CRB1: variants seen among roughly 807,000 people sequenced by gnomAD.
CRB1 encodes crumbs cell polarity complex component 1.
A neutral mutation model predicts 120.0 loss-of-function variants in CRB1; 83 were observed. The observed-to-expected ratio is 0.69, with a 90% CI of 0.58 to 0.83. The LOEUF (loss-of-function observed/expected upper bound fraction) is 0.83, where lower values mean the gene tolerates loss of function less well. CRB1 is among the 40% of genes least tolerant of loss of function. CRB1 has a pLI of 0.00. For missense variants in CRB1, 1,699 were observed against 1,687.6 expected, an observed-to-expected ratio of 1.01 and a Z score of -0.12; for synonymous variants, 625 against 612.5, an observed-to-expected ratio of 1.02 and a Z score of -0.30.
chr1:197,269,335 C>T (rs1255351498), intron 1 of CRB1, among the ~76,000 whole-genome samples: 1 of 152,174 alleles, frequency 6.6e-6, no homozygotes, highest in African/African-American at 2.4e-5. Context: ...TCTGGGTCAC[C>T]TTCTGTGGCT....
At chr1:197,234,678 G>A in the CRB1 span, among the ~76,000 whole-genome samples, 6 of 152,228 alleles carry the variant, frequency 3.9e-5, no homozygotes, top group Non-Finnish European at 1.5e-5. Context: ...AGCCACTTCA[G>A]TGATAGTATA....
chr1:197,429,922 A>G (rs768720425), intron 8 of CRB1, among the ~76,000 whole-genome samples: 3 of 152,228 alleles, frequency 2.0e-5, no homozygotes, highest in Non-Finnish European at 4.4e-5. Flanking sequence ...GGAACACAGA[A>G]TAAATATGTG....
chr1:197,371,816 A>T (rs1472061320), intron 5 of CRB1, among the ~76,000 whole-genome samples: 1 of 152,178 alleles, frequency 6.6e-6, no homozygotes, highest in Non-Finnish European at 1.5e-5. Flanking sequence ...AAGCAGTAAG[A>T]AGCCTGCTCC....
the CRB1 span, among the ~76,000 whole-genome samples, chr1:197,252,501 T>C: frequency 7.5e-6 from 1 of 133,142 alleles, no homozygotes; most frequent in Admixed American, 7.9e-5. Context: ...ATCATTCCTA[T>C]ATCAGTCAGG....
intron 11 of CRB1, among the ~76,000 whole-genome samples, chr1:197,461,688 AT>A (rs1219669141): frequency 6.6e-6 from 1 of 152,086 alleles, no homozygotes; most frequent in Non-Finnish European, 1.5e-5. Context: ...CTCCTATTAC[AT>A]TCTCTTGGTT....
chr1:197,401,078 T>A (rs1389013777), intron 5 of CRB1, among the ~76,000 whole-genome samples: 3 of 152,128 alleles, frequency 2.0e-5, no homozygotes, highest in African/African-American at 7.2e-5. Context: ...TTCCTTTTTG[T>A]AATACAATTT....
intron 9 of CRB1, among the ~76,000 whole-genome samples, 162 bp from the exon 10 acceptor site, chr1:197,438,385 A>G (rs1665264704): frequency 6.6e-6 from 1 of 152,162 alleles, no homozygotes; most frequent in African/African-American, 2.4e-5. Flanking sequence ...TTACTGGAGA[A>G]AGTGATTCTT....
At chr1:197,315,217 G>T (rs1456176204) in intron 1 of CRB1, among the ~76,000 whole-genome samples, 1 of 152,096 alleles carries the variant, frequency 6.6e-6, no homozygotes, top group East Asian at 1.9e-4. Context: ...GTTTACATCA[G>T]GAGGGCGAGT....
chr1:197,286,819 T>G (rs924863831), intron 1 of CRB1, among the ~76,000 whole-genome samples: 3 of 151,920 alleles, frequency 2.0e-5, no homozygotes, highest in African/African-American at 7.2e-5. Context: ...TTTATATCTG[T>G]AATTTAATGC....
At chr1:197,440,631 A>G (rs1665386797) in intron 10 of CRB1, 1 of 152,256 alleles carries the variant, frequency 6.6e-6, no homozygotes, top group South Asian at 2.1e-4. Flanking sequence ...CAACAGAGAA[A>G]TAGGTGAGAA....
At chr1:197,473,618 GAAA>G (rs36091967) in intron 11 of CRB1, among the ~76,000 whole-genome samples, 14 of 145,198 alleles carry the variant, frequency 9.6e-5, no homozygotes, top group African/African-American at 3.3e-4. Context: ...TCATTTTTCA[GAAA>G]AAAAAAAAAC....
At chr1:197,300,506 A>G (rs1039327222) in intron 1 of CRB1, among the ~76,000 whole-genome samples, 1 of 152,048 alleles carries the variant, frequency 6.6e-6, no homozygotes, top group Non-Finnish European at 1.5e-5. Flanking sequence ...CCTCAATTCT[A>G]TGAAGGCTGA....
At chr1:197,278,859 A>G (rs1040853503) in intron 1 of CRB1, among the ~76,000 whole-genome samples, 3 of 151,940 alleles carry the variant, frequency 2.0e-5, no homozygotes, top group Non-Finnish European at 4.4e-5. Flanking sequence ...ACTGTTCTCC[A>G]GGCACGTACA....
intron 1 of CRB1, among the ~76,000 whole-genome samples, chr1:197,308,084 TAC>T (rs1179065385): frequency 6.6e-6 from 1 of 151,392 alleles, no homozygotes; most frequent in Non-Finnish European, 1.5e-5. Context: ...GGTATATATA[TAC>T]CATGGAATAC....
chr1:197,416,140 T>C (rs1318712933), intron 5 of CRB1, among the ~76,000 whole-genome samples: 3 of 152,182 alleles, frequency 2.0e-5, no homozygotes, highest in Non-Finnish European at 4.4e-5. Flanking sequence ...TGCACTATCA[T>C]TTAGTTTTTC....
intron 5 of CRB1, chr1:197,363,911 C>A: frequency 8.1e-7 from 1 of 1,228,722 alleles, no homozygotes; most frequent in Middle Eastern, 1.9e-4. Context: ...ATCCTCACTA[C>A]GGATGGGCTC....
chr1:197,442,452 G>T, intron 11 of CRB1, 160 bp downstream of exon 11: 1 of 1,546,286 alleles, frequency 6.5e-7, no homozygotes, highest in Non-Finnish European at 8.7e-7. Flanking sequence ...GAAAAAAAAA[G>T]CCATTGAATT....
chr1:197,473,971 C>G (rs1326652036), intron 11 of CRB1, among the ~76,000 whole-genome samples: 1 of 152,086 alleles, frequency 6.6e-6, no homozygotes, highest in East Asian at 1.9e-4. Flanking sequence ...CTATTTGATA[C>G]AGTTAGGGGA....
chr1:197,236,495 G>A, the CRB1 span, among the ~76,000 whole-genome samples: 5 of 152,086 alleles, frequency 3.3e-5, no homozygotes, highest in Non-Finnish European at 7.4e-5. Flanking sequence ...CACTGCGCTC[G>A]GCCAGCTTTT....
Sources: gnomAD v4.1 joint callset for allele counts (sites outside exome capture counted in the v4.1 genomes callset) on GRCh38, gnomAD v4.1.1 for gene constraint, MANE v1.5 for transcripts, NCBI Gene and HGNC (gene_info 2026-07-23, HGNC 2026-07-21) for gene names.